RAB31: variants seen among roughly 807,000 people sequenced by gnomAD.
RAB31 encodes the protein RAB31, member RAS oncogene family.
In RAB31, 21 loss-of-function variants were observed where a neutral mutation model predicts 25.6. That is an observed-to-expected ratio of 0.82 (90% CI 0.58 to 1.18). The LOEUF (loss-of-function observed/expected upper bound fraction) is 1.18. Among genes scored for constraint, RAB31 ranks in the 50% most tolerant of loss-of-function variants. RAB31 has a pLI of 0.00. For missense variants in RAB31, 196 were observed against 250.1 expected, an observed-to-expected ratio of 0.78 and a Z score of 1.46; for synonymous variants, 87 against 84.0, an observed-to-expected ratio of 1.04 and a Z score of -0.20.
rs77183940 is a variant in RAB31 at position 9,799,380 on chromosome 18, A to G, written c.201+7145A>G. ...CTACTTACTGCCCAGTAATAATTCTATCTTATATTTGTGGTACAAATTTGT... is the reference window on the plus strand; with the variant it reads ...CTACTTACTGCCCAGTAATAATTCTGTCTTATATTTGTGGTACAAATTTGT... On this transcript the variant is annotated intron_variant, in intron 3 of 6. Coordinates refer to ENST00000578921, the MANE Select transcript of RAB31 (RefSeq NM_006868.4). Among the ~76,000 whole-genome samples, 543 of 152,260 alleles carry G rather than the reference A, an allele frequency of 3.6e-3. 2 individuals are homozygous for G. Among genetic ancestry groups the G allele is most frequent in the African/African-American group, 0.013 (523 of 41,548 alleles).
intron 5 of RAB31, among the ~76,000 whole-genome samples, chr18:9,836,105 T>C (rs1241348779): frequency 6.6e-6 from 1 of 152,000 alleles, no homozygotes; most frequent in Non-Finnish European, 1.5e-5. Context: ...ACCACACAGT[T>C]AACAGCCGTC....
chr18:9,803,913 C>T (rs1268086934), intron 3 of RAB31, among the ~76,000 whole-genome samples: 1 of 152,198 alleles, frequency 6.6e-6, no homozygotes, highest in East Asian at 1.9e-4. Context: ...AGGTGCAGAA[C>T]AGCCCTCCTG....
intron 1 of RAB31, among the ~76,000 whole-genome samples, chr18:9,743,889 T>C (rs996951917): frequency 2.0e-5 from 3 of 152,222 alleles, no homozygotes; most frequent in African/African-American, 4.8e-5. Context: ...GTTGGGAAGA[T>C]GGGCAGCTGA....
intron 2 of RAB31, among the ~76,000 whole-genome samples, chr18:9,777,693 C>A (rs932916901): frequency 2.0e-5 from 3 of 151,460 alleles, no homozygotes; most frequent in Admixed American, 1.3e-4. Context: ...GAGATTTGTG[C>A]CTTCTACTTT....
intron 1 of RAB31, among the ~76,000 whole-genome samples, chr18:9,762,100 G>T (rs1014427110): frequency 2.0e-5 from 3 of 152,266 alleles, no homozygotes; most frequent in Admixed American, 1.3e-4. Flanking sequence ...GAGCCACCAT[G>T]CCCGGCCACC....
chr18:9,745,575 G>A (rs1216590663), intron 1 of RAB31, among the ~76,000 whole-genome samples: 3 of 152,144 alleles, frequency 2.0e-5, no homozygotes, highest in Admixed American at 2.0e-4. Flanking sequence ...ATATTAAAAG[G>A]ATTATACACC....
At chr18:9,836,443 T>A (rs2068704588) in intron 5 of RAB31, among the ~76,000 whole-genome samples, 1 of 152,230 alleles carries the variant, frequency 6.6e-6, no homozygotes, top group South Asian at 2.1e-4. Context: ...TATTTTATTG[T>A]GCCCTAGCTA....
intron 3 of RAB31, among the ~76,000 whole-genome samples, chr18:9,794,767 A>G (rs181193361): frequency 6.6e-6 from 1 of 152,188 alleles, no homozygotes; most frequent in Non-Finnish European, 1.5e-5. Context: ...GTGAGCTGAG[A>G]TCATGCTACT....
chr18:9,846,648 C>T lies in RAB31; in HGVS notation c.490+957C>T, dbSNP rs1297119370. ...GGAAACTGATGGTTTGATCTCTTTC[C>T]TGCCTGAGATCGTTTTTGGCAGAGC... On this transcript the variant is annotated intron_variant, in intron 6 of 6. Transcript: ENST00000578921. Among the ~76,000 whole-genome samples, 3 of 152,208 alleles carry T rather than the reference C, an allele frequency of 2.0e-5. No individual in the cohort carries two copies. The South Asian group carries it at 6.2e-4, about 32-fold the overall frequency.
intron 1 of RAB31, among the ~76,000 whole-genome samples, chr18:9,755,641 A>G (rs1415050528): frequency 2.6e-5 from 4 of 152,214 alleles, no homozygotes; most frequent in Non-Finnish European, 4.4e-5. Flanking sequence ...CAGGAACCAG[A>G]GACTGAATTT....
At chr18:9,827,750 G>T (rs890686655) in intron 5 of RAB31, among the ~76,000 whole-genome samples, 2 of 152,194 alleles carry the variant, frequency 1.3e-5, no homozygotes, top group African/African-American at 4.8e-5. Flanking sequence ...AGTCCTATCA[G>T]CTCTCAGTCA....
chr18:9,826,956 C>G (rs1460271557), intron 5 of RAB31, among the ~76,000 whole-genome samples: 1 of 152,174 alleles, frequency 6.6e-6, no homozygotes, highest in Non-Finnish European at 1.5e-5. Context: ...GCATGGGCAG[C>G]CTTGACCTAT....
intron 1 of RAB31, among the ~76,000 whole-genome samples, chr18:9,750,513 G>A (rs75284847): frequency 0.013 from 2,032 of 152,216 alleles, 49 homozygotes; most frequent in African/African-American, 0.047. Context: ...GAGAGGTGCC[G>A]GCAGTTGCAT....
intron 1 of RAB31, among the ~76,000 whole-genome samples, chr18:9,741,376 CAAAAAAAA>C (rs71169903): frequency 3.2e-5 from 1 of 31,230 alleles, no homozygotes; most frequent in Admixed American, 4.5e-4. Context: ...AACTCCGTCT[CAAAAAAAA>C]AAAAAAAAAA....
intron 5 of RAB31, among the ~76,000 whole-genome samples, chr18:9,819,690 C>T (rs142420113): frequency 2.2e-3 from 331 of 152,184 alleles, no homozygotes; most frequent in African/African-American, 7.4e-3. Context: ...TTAAGTCTTC[C>T]GATCCATCAG....
intron 1 of RAB31, among the ~76,000 whole-genome samples, chr18:9,756,416 G>C (rs938699627): frequency 6.6e-6 from 1 of 152,196 alleles, no homozygotes; most frequent in South Asian, 2.1e-4. Context: ...CAGTTTGCAA[G>C]TGTGCATATA....
At chr18:9,794,989 C>T (rs1276235516) in intron 3 of RAB31, among the ~76,000 whole-genome samples, 1 of 152,126 alleles carries the variant, frequency 6.6e-6, no homozygotes, top group Non-Finnish European at 1.5e-5. Context: ...CGACCTCAAA[C>T]TATACTATAA....
intron 3 of RAB31, among the ~76,000 whole-genome samples, chr18:9,794,993 A>G (rs188339267): frequency 4.3e-4 from 65 of 152,318 alleles, no homozygotes; most frequent in Middle Eastern, 6.8e-3. Context: ...CTCAAACTAT[A>G]CTATAAGGGC....
intron 5 of RAB31, among the ~76,000 whole-genome samples, chr18:9,832,447 G>C (rs1005315406): frequency 3.9e-5 from 6 of 152,210 alleles, no homozygotes; most frequent in Admixed American, 3.9e-4. Flanking sequence ...AACCGTGGAC[G>C]ATCTGAATGA....
Sources: gnomAD v4.1 joint callset for allele counts (sites outside exome capture counted in the v4.1 genomes callset) on GRCh38, gnomAD v4.1.1 for gene constraint, MANE v1.5 for transcripts, NCBI Gene and HGNC (gene_info 2026-07-23, HGNC 2026-07-21) for gene names.